THBS1: variants seen among roughly 807,000 people sequenced by gnomAD.
THBS1 encodes thrombospondin-1.
THBS1 carries 29 observed loss-of-function variants against 126.1 expected under a neutral mutation model. The observed-to-expected ratio is 0.23, with a 90% CI of 0.17 to 0.31. THBS1 has a LOEUF of 0.31. Ranked by LOEUF, THBS1 falls within the 10% of genes least tolerant of loss-of-function variation. The pLI is 1.00. For missense variants in THBS1, 1,198 were observed against 1,545.2 expected (o/e 0.78, Z 3.77); for synonymous variants, 496 against 577.8 (o/e 0.86, Z 2.03).
intron 7 of THBS1, among the ~76,000 whole-genome samples, chr15:39,585,964 C>G (rs1405684639): frequency 1.3e-5 from 2 of 152,148 alleles, no homozygotes; most frequent in Admixed American, 1.3e-4. Context: ...TTGGCCTGAT[C>G]GGGCCTGGAA....
intron 7 of THBS1, 31 bp from the exon 8 acceptor site, chr15:39,587,316 C>T (rs2664141): frequency 0.31 from 487,225 of 1,592,700 alleles, 80,015 homozygotes; most frequent in African/African-American, 0.64. Context: ...CTAATCATCA[C>T]GTACCTGATG....
rs1269620355 is a variant in THBS1, at chr15:39,592,736, G to A, written c.2701G>A (p.Asp901Asn). ...TGCCTGTGACCACGATGATGACAAC[G>A]ATGGCATTCCTGATGACAAGGACAA... ...GDACDHDDDN[D>N]GIPDDKDNCR... The change falls in exon 17 of 22, where the codon GAT (aspartate) becomes AAT (asparagine). Residue 901 changes from aspartate to asparagine, a missense_variant. Around this residue, in one of 4 missense-constraint regions of THBS1, gnomAD observed 255 missense variants for 373.9 expected, o/e 0.68. Coordinates refer to ENST00000260356, the MANE Select transcript of THBS1 (RefSeq NM_003246.4). The surrounding 1 kb of genome is among the most constrained non-coding windows in gnomAD (Gnocchi z 4.3). The A allele has an allele frequency of 6.2e-7, 1 of 1,614,152 alleles. No individual in the cohort carries two copies. The highest frequency in any genetic ancestry group is 1.1e-5 in the South Asian group (1 of 91,076).
In THBS1 at chr15:39,599,163, A is replaced by G. The variant is rs1388176263; in HGVS notation, c.*3794A>G. The G allele has an allele frequency of 1.3e-5, 2 of 152,200 alleles. No individual in the cohort carries two copies. Among genetic ancestry groups the G allele is most frequent in the East Asian group, 3.8e-4 (2 of 5,200 alleles). 9.4% of individuals were successfully genotyped at this position (152,200 alleles called of 1,614,324 possible). On this transcript the variant is annotated 3_prime_UTR_variant, in exon 22 of 22. Coordinates refer to ENST00000260356, the MANE Select transcript of THBS1 (RefSeq NM_003246.4). ...ACACTAAGCCCTAAAGGGAAATCCA[A>G]AATAAAAACATCTATTTTTAATAAC...
Position 39,597,280 on chromosome 15 carries a change from G to GTTTTTTTTTTTTTTTTTTTTTTCT in THBS1, c.*1932_*1933insTCTTTTTTTTTTTTTTTTTTTTTT. 1 of 48,044 alleles carries GTTTTTTTTTTTTTTTTTTTTTTCT rather than the reference G, an allele frequency of 2.1e-5. No homozygotes were observed. Among genetic ancestry groups the GTTTTTTTTTTTTTTTTTTTTTTCT allele is most frequent in the Non-Finnish European group, 4.0e-5 (1 of 25,238 alleles). The allele number at this position is 48,044 out of a possible 1,614,324, so 3.0% of individuals were successfully genotyped here. ...GTTGGTTTTTTCTTTTTTTTGTTTT[G>GTTTTTTTTTTTTTTTTTTTTTTCT]TTTTTTTTTTTTTTTTTTTTTGCTT... is the stretch of plus-strand genomic sequence containing the variant. On this transcript the variant is annotated 3_prime_UTR_variant, in exon 22 of 22. Coordinates refer to ENST00000260356, the MANE Select transcript of THBS1 (RefSeq NM_003246.4).
chr15:39,588,133 C>T lies in THBS1; in HGVS notation c.1386C>T (p.Cys462=), dbSNP rs990306042. The change falls in exon 9 of 22, where the codon TGC becomes TGT. Residue 462 remains cysteine (C), a synonymous_variant. Transcript: ENST00000260356. ...GDGVITRIRL[C]NSPSPQMNGK... Reference sequence around the variant, plus strand: ...GTGTGATCACAAGGATCCGGCTCTGCAACTCTCCCAGCCCCCAGATGAACG... The same window carrying T: ...GTGTGATCACAAGGATCCGGCTCTGTAACTCTCCCAGCCCCCAGATGAACG... 1 of 1,614,244 alleles carries T rather than the reference C, an allele frequency of 6.2e-7. No individual in the cohort carries two copies. The highest frequency in any genetic ancestry group is 1.3e-5 in the African/African-American group (1 of 75,060).
rs750094387 is a variant in THBS1 at position 39,588,709 on chromosome 15, G to A, written c.1645+10G>A. ...CAGGACTGTCCAATTGGTGAGCCAC[G>A]CAGCCCAGGATGAAACGACCCAGGA... On this transcript the variant is annotated intron_variant, in intron 10 of 21. Coordinates refer to ENST00000260356, the MANE Select transcript of THBS1 (RefSeq NM_003246.4). 7.7e-6 allele frequency: 12 copies of A among 1,562,394 alleles called. No homozygotes were observed. Among genetic ancestry groups the A allele is most frequent in the Middle Eastern group, 1.9e-4 (1 of 5,266 alleles).
chr15:39,593,007 T>C lies in THBS1; in HGVS notation c.2775T>C (p.Gly925=), dbSNP rs1251058304. ...TTGCTTTTTTGACCTCAGGCGATGG[T>C]CGAGGTGATGCCTGCAAAGATGATT... ...NPDQKDSDGD[G]RGDACKDDFD... Residue 925 remains glycine, a synonymous_variant, in exon 18 of 22, where the codon GGT becomes GGC. Coordinates refer to ENST00000260356, the MANE Select transcript of THBS1 (RefSeq NM_003246.4). The surrounding 1 kb of genome is among the most constrained non-coding windows in gnomAD (Gnocchi z 5.9). The C allele has an allele frequency of 6.2e-7, 1 of 1,613,362 alleles. No individual in the cohort carries two copies. Among genetic ancestry groups the C allele is most frequent in the South Asian group, 1.1e-5 (1 of 91,046 alleles).
chr15:39,582,586 A>G lies in THBS1; in HGVS notation c.461A>G (p.Lys154Arg). 6.2e-7 allele frequency: 1 copy of G among 1,614,150 alleles called. No individual in the cohort carries two copies. The highest frequency in any genetic ancestry group is 8.5e-7 in the Non-Finnish European group (1 of 1,180,030). ...GCTCTCCTGGCAACCGGCCAGTGGA[A>G]GAGCATCACCCTGTTTGTGCAGGAA... ...EEALLATGQW[K>R]SITLFVQEDR... The change falls in exon 3 of 22, where the codon AAG becomes AGG. Residue 154 changes from lysine (K) to arginine (R), a missense_variant. Physicochemically the swap from Lys to Arg is conservative, Grantham distance 26. Coordinates refer to ENST00000260356, the MANE Select transcript of THBS1 (RefSeq NM_003246.4).
In THBS1 at chr15:39,594,515, G is replaced by T; in HGVS notation, c.3505+75G>T. The T allele has an allele frequency of 6.4e-7, 1 of 1,561,122 alleles. No individual in the cohort carries two copies. On this transcript the variant is annotated intron_variant, in intron 21 of 21. Transcript: ENST00000260356. The surrounding 1 kb of genome is among the most constrained non-coding windows in gnomAD (Gnocchi z 4.4). ...TAATATCAAGGATGACGGTTATGGG[G>T]GAGTCCAGTGTAAAGACTGTTTTGG...
rs760532925 is a variant in THBS1, at chr15:39,583,971, A to G, written c.704-17A>G. ...GTAAGAGTATCTATTTGAAGTTTTC[A>G]TTTTGTTTCTTGCCAGCTACCAGTG... On this transcript the variant is annotated splice_polypyrimidine_tract_variant and intron_variant, in intron 4 of 21. Coordinates refer to ENST00000260356, the MANE Select transcript of THBS1 (RefSeq NM_003246.4). 1 of 1,613,858 alleles carries G rather than the reference A, an allele frequency of 6.2e-7. No individual in the cohort carries two copies. Among genetic ancestry groups the G allele is most frequent in the East Asian group, 2.2e-5 (1 of 44,880 alleles).
At chr15:39,583,571 CA>C in intron 3 of THBS1, 45 bp from the exon 4 acceptor site, 54 of 1,417,772 alleles carry the variant, frequency 3.8e-5, no homozygotes, top group Middle Eastern at 2.3e-4. Context: ...ACCCCATCCC[CA>C]CCCCGCTCTG....
chr15:39,585,235 G>C (rs1890188093), intron 6 of THBS1, among the ~76,000 whole-genome samples: 1 of 152,176 alleles, frequency 6.6e-6, no homozygotes, highest in South Asian at 2.1e-4. Context: ...CCTTGACTAA[G>C]TAGCAATTAA....
rs371871724 is a variant in THBS1, at chr15:39,592,851, T to A, written c.2767+49T>A. The A allele has an allele frequency of 3.8e-6, 6 of 1,583,752 alleles. No homozygotes were observed. The African/African-American group carries it at 8.1e-5, about 21-fold the overall frequency. The stretch of plus-strand genomic sequence containing the variant: ...AAGACAGGGACTGCTGGCACAGCTG[T>A]GTAGATTGAAGAAATGAAACCAAGG... On this transcript the variant is annotated intron_variant, in intron 17 of 21. Coordinates refer to ENST00000260356, the MANE Select transcript of THBS1 (RefSeq NM_003246.4). The surrounding 1 kb of genome is among the most constrained non-coding windows in gnomAD (Gnocchi z 4.3).
Position 39,590,527 on chromosome 15 carries a change from C to T in THBS1, c.2157C>T (p.Pro719=), listed in dbSNP as rs764875620. The T allele has an allele frequency of 3.7e-6, 6 of 1,613,240 alleles. No homozygotes were observed. The highest frequency in any genetic ancestry group is 5.1e-6 in the Non-Finnish European group (6 of 1,179,694). The change falls in exon 14 of 22, where the codon CCC becomes CCT. Residue 719 remains proline, a synonymous_variant. Coordinates refer to ENST00000260356, the MANE Select transcript of THBS1 (RefSeq NM_003246.4). ...ATYHCKKDNC[P]NLPNSGQEDY... ...CTTCTCTTTCCTAGGATAATTGCCC[C>T]AACCTTCCCAACTCAGGGCAGGAAG...
chr15:39,581,258 C>A, intron 1 of THBS1, 30 bp downstream of exon 1: 1 of 153,292 alleles, frequency 6.5e-6, no homozygotes, highest in Non-Finnish European at 1.5e-5. Context: ...CGCCGAGGAC[C>A]AAAGCTGCCC....
chr15:39,583,596 A>G, intron 3 of THBS1, 21 bp from the exon 4 acceptor site: 3 of 1,608,986 alleles, frequency 1.9e-6, no homozygotes, highest in Non-Finnish European at 2.5e-6. Flanking sequence ...TCTACAAGTA[A>G]TGTGTGTCCT....
In THBS1 at chr15:39,594,179, A is replaced by G; in HGVS notation, c.3348A>G (p.Pro1116=). Residue 1116 remains proline (P), a synonymous_variant, in exon 20 of 22, where the codon CCA becomes CCG. Transcript: ENST00000260356. This position sits in a 1 kb window ranked among gnomAD's most constrained non-coding sequence, Gnocchi z 4.4. Reference sequence around the variant, plus strand: ...ACAGATGGCGTCTCAGCCACAGGCCAAAGACGGGTTTCATTAGGTACGATC... The same window carrying G: ...ACAGATGGCGTCTCAGCCACAGGCCGAAGACGGGTTTCATTAGGTACGATC... ...TAYRWRLSHR[P]KTGFIRVVMY... is the part of the protein sequence containing the mutation. 6.2e-7 allele frequency: 1 copy of G among 1,614,220 alleles called. No homozygotes were observed.
chr15:39,588,869 A>G (rs1890266629), intron 10 of THBS1, 90 bp from the exon 11 acceptor site: 2 of 1,609,122 alleles, frequency 1.2e-6, no homozygotes, highest in Non-Finnish European at 8.5e-7. Context: ...TATACCCTAT[A>G]ATATCTTACA....
In THBS1 at chr15:39,593,056, A is replaced by G. The variant is rs146012989; in HGVS notation, c.2824A>G (p.Ile942Val). The part of the protein sequence containing the change: ...DDFDHDSVPD[I>V]DDICPENVDI... Reference sequence around the variant, plus strand: ...TTTTGACCATGACAGTGTGCCAGACATCGATGACATCTGTCCTGAGAATGT... The same window carrying G: ...TTTTGACCATGACAGTGTGCCAGACGTCGATGACATCTGTCCTGAGAATGT... Residue 942 changes from isoleucine (I) to valine (V), a missense_variant, in exon 18 of 22, where the codon ATC (isoleucine) becomes GTC (valine). Transcript: ENST00000260356. The surrounding 1 kb of genome is among the most constrained non-coding windows in gnomAD (Gnocchi z 5.9). The G allele has an allele frequency of 6.2e-7, 1 of 1,608,244 alleles. No homozygotes were observed. Among genetic ancestry groups the G allele is most frequent in the African/African-American group, 1.3e-5 (1 of 74,920 alleles).
Sources: allele counts gnomAD v4.1 joint callset (sites outside exome capture counted in the v4.1 genomes callset), GRCh38; gene constraint gnomAD v4.1.1; regional missense constraint gnomAD v4.1.1; non-coding constraint Gnocchi (gnomAD v3.1); transcripts MANE v1.5; gene names NCBI Gene and HGNC (gene_info 2026-07-23, HGNC 2026-07-21).